Variants in MGAM2 observed in about 807,000 individuals in gnomAD.
The protein encoded by MGAM2 is maltase-glucoamylase 2 (putative).
In MGAM2, 98 loss-of-function variants were observed where a neutral mutation model predicts 96.1. That is an observed-to-expected ratio of 1.02 (90% CI 0.87 to 1.21). The LOEUF is 1.21. Ranked by LOEUF, MGAM2 falls within the 50% of genes most tolerant of loss-of-function variation. MGAM2 has a pLI of 0.00. For synonymous variants in MGAM2, 749 were observed against 414.8 expected (o/e 1.81, Z -9.79); for missense variants, 2,055 against 1,182.4 (o/e 1.74, Z -10.82).
rs188896069 is a variant in MGAM2 at position 142,199,740 on chromosome 7, G to T, written c.5049-140G>T. ...TTAAATGTCTTATATTTTATCTATT[G>T]TACCTATTTTTAGAACTTTATATGC... On this transcript the variant is annotated intron_variant, in intron 44 of 47. Transcript: ENST00000477922. 2.3e-5 allele frequency: 10 copies of T among 430,652 alleles called. No individual in the cohort carries two copies. In the East Asian group the frequency reaches 3.4e-4, roughly 15 times the overall value. 26.7% of individuals were successfully genotyped at this position (430,652 alleles called of 1,614,324 possible).
chr7:142,140,903 T>A lies in MGAM2; in HGVS notation c.1188T>A (p.His396Gln). 1 of 702,936 alleles carries A rather than the reference T, an allele frequency of 1.4e-6. No individual in the cohort carries two copies. Among genetic ancestry groups the A allele is most frequent in the Non-Finnish European group, 2.6e-6 (1 of 384,956 alleles). 43.5% of individuals were successfully genotyped at this position (702,936 alleles called of 1,614,324 possible). Residue 396 changes from histidine (H) to glutamine (Q), a missense_variant, in exon 11 of 48, where the codon CAT (histidine) becomes CAA (glutamine). Transcript: ENST00000477922. ...TCCCAGATTTTGTCAAGGAGTTACA[T>A]GACAATGGACAGAAATATCTTATTA... ...SGLPDFVKELHDNGQKYLIIM... is the reference protein window; with the variant it reads ...SGLPDFVKELQDNGQKYLIIM...
chr7:142,158,475 T>C (rs1795799704), intron 19 of MGAM2, 143 bp downstream of exon 19: 1 of 580,876 alleles, frequency 1.7e-6, no homozygotes, highest in South Asian at 2.3e-5. Context: ...TTTAGAAATT[T>C]TTTAAAAAGT....
chr7:142,204,765 T>C (rs10435224), intron 45 of MGAM2, among the ~76,000 whole-genome samples: 33,066 of 151,900 alleles, frequency 0.22, 4,402 homozygotes, highest in South Asian at 0.36. Context: ...ATGTCTAACT[T>C]ATGAAAACAA....
intron 1 of MGAM2, among the ~76,000 whole-genome samples, 170 bp from the exon 2 acceptor site, chr7:142,116,704 T>G (rs1817415275): frequency 6.6e-6 from 1 of 152,216 alleles, no homozygotes; most frequent in African/African-American, 2.4e-5. Context: ...CTAGAGTTAA[T>G]TAGGGACACT....
At chr7:142,182,004 G>A (rs1342440876) in intron 32 of MGAM2, among the ~76,000 whole-genome samples, 1 of 152,062 alleles carries the variant, frequency 6.6e-6, no homozygotes, top group South Asian at 2.1e-4. Flanking sequence ...GCTCCCTTGG[G>A]CAGAGTCTGT....
In MGAM2 at chr7:142,144,881, C is replaced by T. The variant is rs762781596; in HGVS notation, c.1452C>T (p.Ser484=). The T allele has an allele frequency of 4.3e-6, 3 of 702,710 alleles. No individual in the cohort carries two copies. The highest frequency in any genetic ancestry group is 3.0e-5 in the South Asian group (2 of 67,548). 43.5% of individuals were successfully genotyped at this position (702,710 alleles called of 1,614,324 possible). A position where few individuals can be genotyped will look rare whatever the true frequency, so the allele number is the denominator to read the frequency against. The change falls in exon 14 of 48, where the codon AGC becomes AGT. Residue 484 remains serine (S), a synonymous_variant. Coordinates refer to ENST00000477922, the MANE Select transcript of MGAM2 (RefSeq NM_001293626.2). ...GVWIEMNEVS[S]LLQASNNQCE... ...TGAAGGAAATGAATGAAGTATCTAG[C>T]TTACTCCAAGCTTCTAATAACCAGT...
chr7:142,215,953 G>A (rs1168931858), intron 46 of MGAM2, among the ~76,000 whole-genome samples: 1 of 151,848 alleles, frequency 6.6e-6, no homozygotes, highest in Non-Finnish European at 1.5e-5. Context: ...CTATAAGATG[G>A]CATAGACTTC....
intron 45 of MGAM2, among the ~76,000 whole-genome samples, chr7:142,206,498 A>G (rs1797405799): frequency 6.6e-6 from 1 of 152,216 alleles, no homozygotes; most frequent in Non-Finnish European, 1.5e-5. Context: ...GAACATAGAA[A>G]GTCCTTTGAT....
chr7:142,198,766 G>T (rs937787051), intron 44 of MGAM2, 27 bp downstream of exon 44: 1 of 700,536 alleles, frequency 1.4e-6, no homozygotes, highest in Non-Finnish European at 2.6e-6. Context: ...ATGTCTAACA[G>T]CCTCTTGCTA....
At chr7:142,165,160 C>A in intron 24 of MGAM2, 137 bp downstream of exon 24, 1 of 514,264 alleles carries the variant, frequency 1.9e-6, no homozygotes, top group Non-Finnish European at 3.4e-6. Flanking sequence ...AGAAAGGATG[C>A]AGGAGAAACG....
At chr7:142,155,720 C>T (rs186143932) in intron 17 of MGAM2, among the ~76,000 whole-genome samples, 74 of 152,210 alleles carry the variant, frequency 4.9e-4, no homozygotes, top group African/African-American at 1.7e-3. Context: ...AAGCTGTGTC[C>T]TGGAAGACTT....
chr7:142,204,742 A>T (rs1797344485), intron 45 of MGAM2, among the ~76,000 whole-genome samples: 2 of 152,146 alleles, frequency 1.3e-5, no homozygotes, highest in Admixed American at 1.3e-4. Flanking sequence ...GAGCTACTTT[A>T]CATAAAATTA....
intron 19 of MGAM2, among the ~76,000 whole-genome samples, chr7:142,158,886 C>T (rs1490600311): frequency 2.0e-5 from 3 of 152,112 alleles, no homozygotes; most frequent in Non-Finnish European, 1.5e-5. Flanking sequence ...GAAATATTGC[C>T]AGTGTAGCCA....
rs1271328671 is a variant in MGAM2 at position 142,197,392 on chromosome 7, C to G, written c.4633-8C>G. On this transcript the variant is annotated splice_polypyrimidine_tract_variant and splice_region_variant and intron_variant, in intron 40 of 47. Coordinates refer to ENST00000477922, the MANE Select transcript of MGAM2 (RefSeq NM_001293626.2). ...GGTGATCCATTATATGCTTCTTTAT[C>G]CTTACAGAGACAAGATCCTGTGGCC... is the stretch of plus-strand genomic sequence containing the variant. 4.3e-6 allele frequency: 3 copies of G among 702,760 alleles called. No homozygotes were observed. Among genetic ancestry groups the G allele is most frequent in the Non-Finnish European group, 5.2e-6 (2 of 384,904 alleles). 43.5% of individuals were successfully genotyped at this position (702,760 alleles called of 1,614,324 possible). A position where few individuals can be genotyped will look rare whatever the true frequency, so the allele number is the denominator to read the frequency against.
intron 35 of MGAM2, 116 bp from the exon 36 acceptor site, chr7:142,187,634 T>A (rs1796739184): frequency 1.6e-6 from 1 of 607,640 alleles, no homozygotes; most frequent in Non-Finnish European, 3.0e-6. Context: ...CACAGTGAAC[T>A]AAACCACCAG....
At chr7:142,204,345 A>T (rs995135910) in intron 45 of MGAM2, among the ~76,000 whole-genome samples, 1 of 151,872 alleles carries the variant, frequency 6.6e-6, no homozygotes, top group Admixed American at 6.6e-5. Flanking sequence ...AAATGGTTTT[A>T]TTTTCTATTT....
intron 1 of MGAM2, among the ~76,000 whole-genome samples, chr7:142,113,995 A>G (rs1817265805): frequency 6.6e-6 from 1 of 151,810 alleles, no homozygotes; most frequent in Non-Finnish European, 1.5e-5. Context: ...GCTGGGCATG[A>G]TGGCGGGTGC....
chr7:142,219,283 T>A (rs2129108016), intron 47 of MGAM2, among the ~76,000 whole-genome samples: 1 of 152,266 alleles, frequency 6.6e-6, no homozygotes, highest in South Asian at 2.1e-4. Context: ...GCCCTGATGG[T>A]ATTTGGACTT....
chr7:142,132,224 T>G, intron 6 of MGAM2, 139 bp downstream of exon 6: 1 of 479,136 alleles, frequency 2.1e-6, no homozygotes. Context: ...AAGGGTTTGC[T>G]GTAAAATAAC....
Sources: allele counts gnomAD v4.1 joint callset (sites outside exome capture counted in the v4.1 genomes callset), GRCh38; gene constraint gnomAD v4.1.1; transcripts MANE v1.5; gene names NCBI Gene and HGNC (gene_info 2026-07-23, HGNC 2026-07-21).